RHOBTB3: variants seen among roughly 807,000 people sequenced by gnomAD.
The protein encoded by RHOBTB3 is Rho related BTB domain containing 3.
Under a neutral mutation model 67.2 loss-of-function variants are expected in RHOBTB3, and 47 were observed. The ratio of observed to expected loss-of-function variants is 0.70; its 90% confidence interval spans 0.55 to 0.89. RHOBTB3 has a LOEUF of 0.89. Ranked by LOEUF, RHOBTB3 falls within the 40% of genes least tolerant of loss-of-function variation. The pLI is 0.00. For missense variants in RHOBTB3, 631 were observed against 750.0 expected (o/e 0.84, Z 1.85); for synonymous variants, 273 against 274.2 (o/e 1.00, Z 0.04).
intron 4 of RHOBTB3, among the ~76,000 whole-genome samples, chr5:95,749,087 A>G (rs1745012146): frequency 6.6e-6 from 1 of 152,208 alleles, no homozygotes; most frequent in African/African-American, 2.4e-5. Context: ...CCTCCCATAT[A>G]GTATTAGGAC....
chr5:95,757,035 C>T (rs758901874), intron 6 of RHOBTB3, among the ~76,000 whole-genome samples: 9 of 152,058 alleles, frequency 5.9e-5, no homozygotes, highest in Admixed American at 2.0e-4. Context: ...ATTCAGCTTA[C>T]GGACTGGAAA....
rs1294780608 is a variant in RHOBTB3 at position 95,731,404 on chromosome 5, T to C, written c.-279T>C. 8.5e-7 allele frequency: 1 copy of C among 1,183,428 alleles called. No homozygotes were observed. Among genetic ancestry groups the C allele is most frequent in the Non-Finnish European group, 1.0e-6 (1 of 960,120 alleles). The allele number at this position is 1,183,428 out of a possible 1,614,324, so 73.3% of individuals were successfully genotyped here. On this transcript the variant is annotated 5_prime_UTR_variant, in exon 1 of 12. Coordinates refer to ENST00000379982, the MANE Select transcript of RHOBTB3 (RefSeq NM_014899.4). ...GGGACTGCGGTCAGCTGCGTCCACT[T>C]GGGGCTGTGCGGCGGTCCCGCGCCC...
rs1341473027 is a variant in RHOBTB3 at position 95,763,649 on chromosome 5, C to G, written c.1161+29C>G. On this transcript the variant is annotated intron_variant, in intron 7 of 11. Transcript: ENST00000379982. ...AGTTGATTTGTTGTAAGTTAGTTTA[C>G]TTTGACCCTCTGAATTATAACTCAC... 5.4e-6 allele frequency: 7 copies of G among 1,301,176 alleles called. No individual in the cohort carries two copies. In the East Asian group the frequency reaches 6.9e-5, roughly 13 times the overall value. 80.6% of individuals were successfully genotyped at this position (1,301,176 alleles called of 1,614,324 possible).
upstream of RHOBTB3, among the ~76,000 whole-genome samples, chr5:95,727,747 A>G (rs1755100548): frequency 6.6e-6 from 1 of 152,278 alleles, no homozygotes; most frequent in Non-Finnish European, 1.5e-5. Flanking sequence ...TAAGAAAATT[A>G]TGAAAAGATC....
chr5:95,767,689 G>A, intron 7 of RHOBTB3: 1 of 614,938 alleles, frequency 1.6e-6, no homozygotes, highest in Admixed American at 2.6e-5. Flanking sequence ...AAATTAGGTT[G>A]TACATGTAAA....
upstream of RHOBTB3, among the ~76,000 whole-genome samples, chr5:95,725,950 T>C (rs1755042541): frequency 6.6e-6 from 1 of 152,076 alleles, no homozygotes; most frequent in Non-Finnish European, 1.5e-5. Context: ...GAAGAGAAAA[T>C]ATGTCTTCTC....
chr5:95,738,861 T>G lies in RHOBTB3; in HGVS notation c.415+1786T>G, dbSNP rs1755525779. Among the ~76,000 whole-genome samples, 3 of 152,088 alleles carry G rather than the reference T, an allele frequency of 2.0e-5. No homozygotes were observed. In the South Asian group the frequency reaches 6.2e-4, roughly 31 times the overall value. On this transcript the variant is annotated intron_variant, in intron 3 of 11. Coordinates refer to ENST00000379982, the MANE Select transcript of RHOBTB3 (RefSeq NM_014899.4). Reference sequence around the variant, plus strand: ...GAGATAAGAGATAATAATACTTATCTCTTGTTGAAATTATTGAAACATACC... The same window carrying G: ...GAGATAAGAGATAATAATACTTATCGCTTGTTGAAATTATTGAAACATACC...
At chr5:95,780,155 C>A in intron 8 of RHOBTB3, 97 bp from the exon 9 acceptor site, 1 of 882,558 alleles carries the variant, frequency 1.1e-6, no homozygotes, top group Non-Finnish European at 1.7e-6. Flanking sequence ...ATCAGCCTAG[C>A]TGTCCCTAAT....
At chr5:95,723,224 T>C (rs930569708) in intron 1 of RHOBTB3, among the ~76,000 whole-genome samples, 2 of 152,166 alleles carry the variant, frequency 1.3e-5, no homozygotes, top group Admixed American at 1.3e-4. Context: ...TCTCATAATG[T>C]TTTAAGAAAG....
chr5:95,772,218 G>C (rs12153333), intron 8 of RHOBTB3, among the ~76,000 whole-genome samples: 74,003 of 151,996 alleles, frequency 0.49, 18,772 homozygotes, highest in Admixed American at 0.59. Flanking sequence ...GTAATCTGAA[G>C]GTTATATGGT....
At chr5:95,756,991 CT>C (rs1745264657) in intron 6 of RHOBTB3, among the ~76,000 whole-genome samples, 1 of 152,138 alleles carries the variant, frequency 6.6e-6, no homozygotes, top group Admixed American at 6.5e-5. Flanking sequence ...CGGTTTGACT[CT>C]TAGGTTTTGT....
At chr5:95,728,617 CA>C (rs893613584), upstream of RHOBTB3, among the ~76,000 whole-genome samples, 2 of 152,172 alleles carry the variant, frequency 1.3e-5, no homozygotes, top group Non-Finnish European at 1.5e-5. Flanking sequence ...AGAATGTTTT[CA>C]AAAGGATTGA....
chr5:95,755,838 T>A (rs774409818), intron 6 of RHOBTB3, 77 bp downstream of exon 6: 3 of 1,467,954 alleles, frequency 2.0e-6, no homozygotes, highest in Non-Finnish European at 9.3e-7. Flanking sequence ...CACTCAAGGG[T>A]ACTGGTTAGT....
chr5:95,753,337 A>T (rs537158549), intron 5 of RHOBTB3, among the ~76,000 whole-genome samples: 45 of 152,134 alleles, frequency 3.0e-4, no homozygotes, highest in African/African-American at 1.0e-3. Context: ...TGAGGGATAT[A>T]TGTGAAGGGT....
chr5:95,750,394 A>C (rs1013323726), intron 4 of RHOBTB3, among the ~76,000 whole-genome samples: 1 of 152,232 alleles, frequency 6.6e-6, no homozygotes, highest in African/African-American at 2.4e-5. Context: ...TGCGCTGTCC[A>C]GTATGGCAAC....
chr5:95,722,085 T>C (rs957480169), intron 1 of RHOBTB3, among the ~76,000 whole-genome samples: 2 of 152,148 alleles, frequency 1.3e-5, no homozygotes, highest in African/African-American at 4.8e-5. Context: ...GGGGAAATGA[T>C]CTGTGATAGC....
chr5:95,769,220 G>A, intron 8 of RHOBTB3: 1 of 343,412 alleles, frequency 2.9e-6, no homozygotes, highest in Non-Finnish European at 5.8e-6. Flanking sequence ...ACAAAAGATG[G>A]TGTGACTGTT....
intron 8 of RHOBTB3, among the ~76,000 whole-genome samples, chr5:95,768,838 A>C (rs1306308629): frequency 6.6e-6 from 1 of 152,204 alleles, no homozygotes; most frequent in Admixed American, 6.5e-5. Flanking sequence ...GTAGATTAAG[A>C]TCTAAAGAAT....
intron 8 of RHOBTB3, among the ~76,000 whole-genome samples, chr5:95,772,555 A>G (rs965122808): frequency 6.6e-6 from 1 of 152,118 alleles, no homozygotes; most frequent in Non-Finnish European, 1.5e-5. Flanking sequence ...GTCATCCCCT[A>G]AGACTCTGGA....
Sources: gnomAD v4.1 joint callset for allele counts (sites outside exome capture counted in the v4.1 genomes callset) on GRCh38, gnomAD v4.1.1 for gene constraint, MANE v1.5 for transcripts, NCBI Gene and HGNC (gene_info 2026-07-23, HGNC 2026-07-21) for gene names.